Variants in RTN4RL1 observed in about 807,000 individuals in gnomAD.
RTN4RL1 encodes the protein reticulon 4 receptor like 1.
A neutral mutation model predicts 25.6 loss-of-function variants in RTN4RL1; 7 were observed. The ratio of observed to expected loss-of-function variants is 0.27; its 90% CI spans 0.16 to 0.51. The LOEUF (loss-of-function observed/expected upper bound fraction) is 0.51, where lower values mean the gene tolerates loss of function less well. Among genes scored for constraint, RTN4RL1 ranks in the 20% least tolerant of loss-of-function variants. The probability of loss-of-function intolerance (pLI) is 0.97; values close to 1 mark genes in which losing one functional copy is unlikely to be tolerated. For synonymous variants in RTN4RL1, 297 were observed against 288.2 expected, an observed-to-expected ratio of 1.03 and a Z score of -0.31; for missense variants, 500 against 615.6, an observed-to-expected ratio of 0.81 and a Z score of 1.99.
At chr17:2,023,411 G>C (rs528493602) in intron 1 of RTN4RL1, among the ~76,000 whole-genome samples, 1 of 152,320 alleles carries the variant, frequency 6.6e-6, no homozygotes, top group Non-Finnish European at 1.5e-5. Context: ...CCATACCACA[G>C]CGAAGGCAGC....
chr17:1,973,161 A>C lies in RTN4RL1; in HGVS notation c.14-35353T>G, dbSNP rs536739454. Among the ~76,000 whole-genome samples, 28 of 151,838 alleles carry C rather than the reference A, an allele frequency of 1.8e-4. No homozygotes were observed. In the East Asian group the frequency reaches 4.7e-3, roughly 25 times the overall value. ...GCACATCACTCGAGATCAGGAGTTC[A>C]AGACCGGCCTGGCCAACATGGCAAA... On this transcript the variant is annotated intron_variant, in intron 1 of 1. Transcript: ENST00000331238.
At chr17:2,021,374 G>T (rs529663984) in intron 1 of RTN4RL1, among the ~76,000 whole-genome samples, 42 of 152,166 alleles carry the variant, frequency 2.8e-4, no homozygotes, top group Admixed American at 3.9e-4. Flanking sequence ...AAGATGAGGG[G>T]TTTTTTCTCT....
intron 1 of RTN4RL1, among the ~76,000 whole-genome samples, chr17:1,940,069 G>T (rs1020524212): frequency 3.3e-5 from 5 of 152,162 alleles, no homozygotes; most frequent in Admixed American, 2.0e-4. Flanking sequence ...GGCCCAGCAG[G>T]CCTCACCGCC....
At position 1,998,974 on chromosome 17, in the gene RTN4RL1, C is replaced by G. The variant is rs966723937; in HGVS notation, c.13+25879G>C. 6.6e-6 allele frequency among the ~76,000 whole-genome samples: 1 copy of G among 152,258 alleles called. No individual in the cohort carries two copies. The highest frequency in any genetic ancestry group is 1.9e-4 in the East Asian group (1 of 5,170). On this transcript the variant is annotated intron_variant, in intron 1 of 1. Coordinates refer to ENST00000331238, the MANE Select transcript of RTN4RL1 (RefSeq NM_178568.4). The surrounding 1 kb of genome is among the most constrained non-coding windows in gnomAD (Gnocchi z 4.9). The stretch of plus-strand genomic sequence containing the variant: ...GTGCACAACTGAAGAGCTGCTCCCC[C>G]TTCCCTGCACGATGCCATCCTCTCA...
chr17:1,963,471 C>T (rs2066774970), intron 1 of RTN4RL1, among the ~76,000 whole-genome samples: 1 of 152,220 alleles, frequency 6.6e-6, no homozygotes, highest in African/African-American at 2.4e-5. Flanking sequence ...GCCAGCCAGG[C>T]CTGTCCAGGC....
intron 1 of RTN4RL1, among the ~76,000 whole-genome samples, chr17:1,989,125 C>T (rs188345126): frequency 2.0e-4 from 31 of 152,132 alleles, no homozygotes; most frequent in Admixed American, 2.0e-3. Context: ...CTGCAGTAGT[C>T]CAAGCAAGAG....
chr17:2,020,804 T>C (rs1344793872), intron 1 of RTN4RL1: 1 of 152,180 alleles, frequency 6.6e-6, no homozygotes, highest in Admixed American at 6.5e-5. Context: ...TAAGGAAAGG[T>C]TCTGTATTAG....
chr17:1,969,698 ATAAG>A (rs2066809571), intron 1 of RTN4RL1, among the ~76,000 whole-genome samples: 1 of 152,222 alleles, frequency 6.6e-6, no homozygotes. Context: ...AAAGCTCTGA[ATAAG>A]TAGCCTTTAC....
intron 1 of RTN4RL1, among the ~76,000 whole-genome samples, chr17:1,942,191 C>T (rs1266225114): frequency 1.3e-5 from 2 of 152,176 alleles, no homozygotes; most frequent in Non-Finnish European, 2.9e-5. Context: ...CTCCTCTCCT[C>T]CAGGGGCACG....
intron 1 of RTN4RL1, among the ~76,000 whole-genome samples, chr17:2,016,013 G>T (rs4790865): frequency 6.6e-6 from 1 of 152,044 alleles, no homozygotes; most frequent in African/African-American, 2.4e-5. Context: ...TTCCCCCTGG[G>T]TCTGGCTCTG....
At chr17:1,968,837 C>T (rs11871220) in intron 1 of RTN4RL1, among the ~76,000 whole-genome samples, 30,924 of 152,178 alleles carry the variant, frequency 0.2, 3,311 homozygotes, top group Middle Eastern at 0.32. Flanking sequence ...ACTGTTCATT[C>T]GACCTGGCCT....
intron 1 of RTN4RL1, among the ~76,000 whole-genome samples, chr17:1,964,528 T>C (rs554380118): frequency 2.7e-4 from 41 of 152,044 alleles, no homozygotes; most frequent in Non-Finnish European, 4.9e-4. Context: ...GTCAGGAGAT[T>C]GAGACCATCC....
intron 1 of RTN4RL1, among the ~76,000 whole-genome samples, chr17:1,968,404 A>C (rs926191746): frequency 2.8e-4 from 43 of 152,030 alleles, no homozygotes; most frequent in African/African-American, 8.9e-4. Context: ...CTCTCTCCTG[A>C]CAGATCAGCT....
intron 1 of RTN4RL1, among the ~76,000 whole-genome samples, chr17:1,944,318 C>A (rs906877560): frequency 6.6e-6 from 1 of 152,154 alleles, no homozygotes; most frequent in Non-Finnish European, 1.5e-5. Context: ...TGTCTGCGGA[C>A]GTCGGCCTCC....
chr17:1,960,486 C>G (rs924297877), intron 1 of RTN4RL1, among the ~76,000 whole-genome samples: 1 of 152,236 alleles, frequency 6.6e-6, no homozygotes, highest in Non-Finnish European at 1.5e-5. Context: ...GCTAGCTGCA[C>G]TGGCCTCTGT....
At chr17:1,961,258 G>C (rs972757730) in intron 1 of RTN4RL1, among the ~76,000 whole-genome samples, 13 of 152,162 alleles carry the variant, frequency 8.5e-5, no homozygotes, top group Non-Finnish European at 1.8e-4. Flanking sequence ...GAAAAGTCAC[G>C]AAGGGAAGGG....
At chr17:2,021,765 G>C (rs1433351047) in intron 1 of RTN4RL1, among the ~76,000 whole-genome samples, 1 of 151,056 alleles carries the variant, frequency 6.6e-6, no homozygotes, top group Non-Finnish European at 1.5e-5. Flanking sequence ...ATGTTGGCCA[G>C]GCTGGTCTCG....
intron 1 of RTN4RL1, among the ~76,000 whole-genome samples, chr17:1,965,580 C>G (rs1030061115): frequency 6.6e-6 from 1 of 152,156 alleles, no homozygotes; most frequent in Non-Finnish European, 1.5e-5. Context: ...GTGGGCCCCC[C>G]TCTGAAACAC....
At chr17:2,001,300 A>T (rs1234180050) in intron 1 of RTN4RL1, 1 of 152,146 alleles carries the variant, frequency 6.6e-6, no homozygotes, top group Non-Finnish European at 1.5e-5. Context: ...GCTGGAGTGC[A>T]GTGGTGTGAT....
Sources: allele counts gnomAD v4.1 joint callset (sites outside exome capture counted in the v4.1 genomes callset), GRCh38; gene constraint gnomAD v4.1.1; non-coding constraint Gnocchi (gnomAD v3.1); transcripts MANE v1.5; gene names NCBI Gene and HGNC (gene_info 2026-07-23, HGNC 2026-07-21).